NCOA5: variants seen among roughly 807,000 people sequenced by gnomAD.
NCOA5 encodes the protein NCoA-5.
Under a neutral mutation model 59.0 loss-of-function variants are expected in NCOA5, and 12 were observed. The ratio of observed to expected loss-of-function variants is 0.20; its 90% CI spans 0.13 to 0.33. NCOA5 has a LOEUF of 0.33. NCOA5 is among the 10% of genes least tolerant of loss of function. NCOA5 has a pLI of 1.00. For missense variants in NCOA5, 655 were observed against 766.6 expected (o/e 0.85, Z 1.72); for synonymous variants, 270 against 275.5 (o/e 0.98, Z 0.20).
At chr20:46,068,217 G>A (rs1338129648) in intron 4 of NCOA5, among the ~76,000 whole-genome samples, 1 of 152,086 alleles carries the variant, frequency 6.6e-6, no homozygotes, top group Non-Finnish European at 1.5e-5. Context: ...TACAGGTGGT[G>A]GCCACAGTGA....
intron 2 of NCOA5, among the ~76,000 whole-genome samples, chr20:46,077,987 C>T (rs539324454): frequency 9.2e-5 from 14 of 152,234 alleles, no homozygotes; most frequent in Non-Finnish European, 1.9e-4. Context: ...GAGTATTTAC[C>T]TGCAAGCTGC....
chr20:46,069,235 C>A (rs1282760233), intron 3 of NCOA5, among the ~76,000 whole-genome samples: 1 of 152,220 alleles, frequency 6.6e-6, no homozygotes, highest in Non-Finnish European at 1.5e-5. Context: ...ACTCCCCTCT[C>A]CCCAGCCACT....
chr20:46,079,150 C>G (rs2084967416), intron 2 of NCOA5, among the ~76,000 whole-genome samples: 1 of 152,148 alleles, frequency 6.6e-6, no homozygotes, highest in Non-Finnish European at 1.5e-5. Context: ...TTGCCTGCAA[C>G]TCATGTTGCA....
intron 5 of NCOA5, 146 bp from the exon 6 acceptor site, chr20:46,065,374 T>G (rs2084812663): frequency 5.3e-6 from 4 of 760,368 alleles, no homozygotes; most frequent in Non-Finnish European, 8.7e-6. Flanking sequence ...AGACCAATAC[T>G]CTCTCTCTAC....
At chr20:46,077,067 G>A (rs2084945483) in intron 2 of NCOA5, among the ~76,000 whole-genome samples, 1 of 152,138 alleles carries the variant, frequency 6.6e-6, no homozygotes, top group Non-Finnish European at 1.5e-5. Flanking sequence ...ACAGGCAAGA[G>A]CCATGACGCC....
intron 2 of NCOA5, among the ~76,000 whole-genome samples, chr20:46,078,127 T>C (rs553855102): frequency 1.3e-5 from 2 of 152,344 alleles, no homozygotes; most frequent in South Asian, 2.1e-4. Flanking sequence ...TGGATTCAAC[T>C]CTGCTGCACA....
At chr20:46,077,518 A>G (rs922317646) in intron 2 of NCOA5, among the ~76,000 whole-genome samples, 12 of 152,214 alleles carry the variant, frequency 7.9e-5, no homozygotes, top group Admixed American at 6.5e-4. Flanking sequence ...CTATTCTGCA[A>G]TGTGGCTTAT....
At chr20:46,076,186 G>C (rs952966629) in intron 2 of NCOA5, among the ~76,000 whole-genome samples, 12 of 151,824 alleles carry the variant, frequency 7.9e-5, no homozygotes, top group African/African-American at 2.9e-4. Flanking sequence ...GCCATAGGTA[G>C]TGTTTTTTTT....
At chr20:46,068,413 T>C in intron 4 of NCOA5, 89 bp downstream of exon 4, 1 of 1,422,632 alleles carries the variant, frequency 7.0e-7, no homozygotes, top group Non-Finnish European at 9.4e-7. Flanking sequence ...ACTAGCCCTT[T>C]TTCAGATGGG....
At chr20:46,069,229 C>T (rs1402951133) in intron 3 of NCOA5, among the ~76,000 whole-genome samples, 2 of 152,138 alleles carry the variant, frequency 1.3e-5, no homozygotes, top group Non-Finnish European at 2.9e-5. Flanking sequence ...GAAATAACTC[C>T]CCTCTCCCCA....
chr20:46,086,204 A>AT (rs2085043694), intron 1 of NCOA5, among the ~76,000 whole-genome samples: 1 of 152,226 alleles, frequency 6.6e-6, no homozygotes, highest in African/African-American at 2.4e-5. Flanking sequence ...AGCTAAAGGT[A>AT]TAAGACAAGA....
chr20:46,072,292 G>A (rs571179089), intron 2 of NCOA5, among the ~76,000 whole-genome samples: 43 of 152,066 alleles, frequency 2.8e-4, no homozygotes, highest in Non-Finnish European at 5.3e-4. Context: ...GATCTGTTAC[G>A]TATGTAAAGC....
chr20:46,083,580 T>G (rs2085014887), intron 1 of NCOA5, among the ~76,000 whole-genome samples: 1 of 152,208 alleles, frequency 6.6e-6, no homozygotes, highest in African/African-American at 2.4e-5. Flanking sequence ...CAACACTTAG[T>G]GACAGTACCA....
chr20:46,064,927 A>G, intron 6 of NCOA5, 102 bp downstream of exon 6: 1 of 1,111,362 alleles, frequency 9.0e-7, no homozygotes, highest in Non-Finnish European at 1.4e-6. Flanking sequence ...CCATATATGA[A>G]CTGAGATATA....
At chr20:46,074,108 A>G (rs1283898431) in intron 2 of NCOA5, among the ~76,000 whole-genome samples, 2 of 152,194 alleles carry the variant, frequency 1.3e-5, no homozygotes, top group African/African-American at 4.8e-5. Context: ...GATAAACACT[A>G]TGGTAGACTG....
At chr20:46,076,157 A>G (rs1001840379) in intron 2 of NCOA5, among the ~76,000 whole-genome samples, 4 of 152,244 alleles carry the variant, frequency 2.6e-5, no homozygotes, top group Non-Finnish European at 5.9e-5. Context: ...ATGTAGAGGT[A>G]TAACTTTAGG....
At chr20:46,065,954 G>A (rs905851294) in intron 5 of NCOA5, among the ~76,000 whole-genome samples, 1 of 152,160 alleles carries the variant, frequency 6.6e-6, no homozygotes, top group Non-Finnish European at 1.5e-5. Context: ...GTATGGGGTA[G>A]TACATAAAGT....
intron 1 of NCOA5, among the ~76,000 whole-genome samples, chr20:46,087,039 T>C (rs1014046903): frequency 6.6e-5 from 10 of 152,240 alleles, no homozygotes; most frequent in Non-Finnish European, 1.3e-4. Flanking sequence ...GCAAGAAATC[T>C]AACCTCTTTG....
At chr20:46,083,034 AT>A (rs1347345260) in intron 1 of NCOA5, among the ~76,000 whole-genome samples, 4 of 152,246 alleles carry the variant, frequency 2.6e-5, no homozygotes, top group Non-Finnish European at 4.4e-5. Context: ...TTGTACAATC[AT>A]AAAACAACTC....
Sources: gnomAD v4.1 joint callset for allele counts (sites outside exome capture counted in the v4.1 genomes callset) on GRCh38, gnomAD v4.1.1 for gene constraint, MANE v1.5 for transcripts, NCBI Gene and HGNC (gene_info 2026-07-23, HGNC 2026-07-21) for gene names.